NBPF20: variants seen among roughly 807,000 people sequenced by gnomAD.
The protein encoded by NBPF20 is NBPF member 20.
Under a neutral mutation model 68.1 loss-of-function variants are expected in NBPF20, and 90 were observed. That is an observed-to-expected ratio of 1.32 (90% confidence interval 1.11 to 1.58). NBPF20 has a LOEUF of 1.58. Among genes scored for constraint, NBPF20 ranks in the 40% most tolerant of loss-of-function variants. The pLI, the probability that NBPF20 is intolerant of heterozygous loss-of-function variation, is 0.00. For missense variants in NBPF20, 816 were observed against 601.2 expected, an observed-to-expected ratio of 1.36 and a Z score of -3.74; for synonymous variants, 290 against 228.1, an observed-to-expected ratio of 1.27 and a Z score of -2.45.
At chr1:145,409,992 G>A (rs1480095855), upstream of NBPF20, among the ~76,000 whole-genome samples, 1 of 151,954 alleles carries the variant, frequency 6.6e-6, no homozygotes, top group Non-Finnish European at 1.5e-5. Context: ...CGCCCCTCAG[G>A]TTGGTCTGGA....
the NBPF20 span, among the ~76,000 whole-genome samples, chr1:145,424,548 C>T: frequency 2.6e-5 from 4 of 152,130 alleles, no homozygotes; most frequent in Non-Finnish European, 5.9e-5. Flanking sequence ...AAAGGATGAA[C>T]AACACTGTAA....
At chr1:145,398,859 C>T in intron 7 of NBPF20, among the ~76,000 whole-genome samples, 190 bp downstream of exon 12, 2 of 150,220 alleles carry the variant, frequency 1.3e-5, no homozygotes, top group South Asian at 4.2e-4. Context: ...TGGCAAGTTC[C>T]TATCTTGAGA....
At chr1:145,291,167 A>G in exon 138 of NBPF20, 1 of 403,762 alleles carries the variant, frequency 2.5e-6, no homozygotes, top group Non-Finnish European at 4.6e-6. Context: ...TGGATGAGCT[A>G]AACACAAAGA....
chr1:145,402,370 A>T, exon 4 of NBPF20: 1 of 1,605,002 alleles, frequency 6.2e-7, no homozygotes, highest in Non-Finnish European at 8.5e-7. Flanking sequence ...GTGAACCAGG[A>T]CTTTATATTG....
At chr1:145,397,369 G>C (rs1213044711) in intron 7 of NBPF20, among the ~76,000 whole-genome samples, 2 of 152,176 alleles carry the variant, frequency 1.3e-5, no homozygotes, top group Non-Finnish European at 2.9e-5. Flanking sequence ...CGTTGAACTA[G>C]TTTACAGTCC....
At chr1:145,398,101 A>C (rs1662349703) in intron 7 of NBPF20, among the ~76,000 whole-genome samples, 1 of 152,150 alleles carries the variant, frequency 6.6e-6, no homozygotes, top group Non-Finnish European at 1.5e-5. Context: ...AGAGACCTAC[A>C]AAGAGATTTA....
At chr1:145,334,823 G>C (rs1184589713) in intron 83 of NBPF20, among the ~76,000 whole-genome samples, 192 bp from the exon 89 acceptor site, 1 of 138,458 alleles carries the variant, frequency 7.2e-6, no homozygotes, top group East Asian at 2.1e-4. Flanking sequence ...GAGAAAGACA[G>C]GGAGAGGGAG....
At chr1:145,412,058 A>T in the NBPF20 span, among the ~76,000 whole-genome samples, 2 of 134,096 alleles carry the variant, frequency 1.5e-5, no homozygotes, top group South Asian at 5.2e-4. Flanking sequence ...ATTAAAGCTG[A>T]TGGGAGTTTA....
intron 7 of NBPF20, among the ~76,000 whole-genome samples, chr1:145,395,605 A>G (rs1260346840): frequency 1.3e-5 from 2 of 150,026 alleles, no homozygotes; most frequent in Non-Finnish European, 2.9e-5. Flanking sequence ...TTGCAAAAAT[A>G]CTAGCCAACA....
intron 136 of NBPF20, 53 bp from the exon 142 acceptor site, chr1:145,292,542 A>G: frequency 2.9e-6 from 2 of 697,786 alleles, no homozygotes; most frequent in South Asian, 1.6e-5. Context: ...CCCTACACAC[A>G]TAACAATCCA....
intron 9 of NBPF20, chr1:145,393,625 C>G (rs1249588919): frequency 4.7e-6 from 4 of 852,126 alleles, no homozygotes; most frequent in Non-Finnish European, 7.1e-6. Context: ...ATAAAATGTG[C>G]TCAAGTTTCC....
At chr1:145,397,648 C>G (rs1662321997) in intron 7 of NBPF20, among the ~76,000 whole-genome samples, 1 of 152,168 alleles carries the variant, frequency 6.6e-6, no homozygotes, top group African/African-American at 2.4e-5. Context: ...CTGTAAAGAC[C>G]ATTGACGCTA....
intron 9 of NBPF20, 148 bp from the exon 15 acceptor site, chr1:145,393,394 G>C: frequency 1.4e-6 from 1 of 715,896 alleles, no homozygotes; most frequent in Non-Finnish European, 2.6e-6. Flanking sequence ...CCTTTATGTT[G>C]GGATAGACTA....
At chr1:145,393,479 AC>A (rs1558971864) in intron 9 of NBPF20, among the ~76,000 whole-genome samples, 5 of 151,856 alleles carry the variant, frequency 3.3e-5, no homozygotes, top group Admixed American at 3.3e-4. Context: ...ACACACACAC[AC>A]ACACACACAC....
At chr1:145,418,985 A>G in the NBPF20 span, among the ~76,000 whole-genome samples, 84 of 141,838 alleles carry the variant, frequency 5.9e-4, no homozygotes, top group African/African-American at 2.2e-3. Flanking sequence ...TAGAACAAAA[A>G]GGAAAGAAAA....
chr1:145,291,708 A>C, exon 138 of NBPF20: 13 of 1,611,950 alleles, frequency 8.1e-6, no homozygotes, highest in Non-Finnish European at 1.1e-5. Flanking sequence ...GTAGAATAAC[A>C]TCCATCCAGT....
upstream of NBPF20, among the ~76,000 whole-genome samples, chr1:145,408,890 G>A (rs1194329023): frequency 6.6e-6 from 1 of 151,274 alleles, no homozygotes; most frequent in African/African-American, 2.4e-5. Context: ...CTAGTATGGA[G>A]AAATTAAGAT....
upstream of NBPF20, among the ~76,000 whole-genome samples, chr1:145,410,385 G>A (rs1316282079): frequency 1.3e-5 from 2 of 149,762 alleles, no homozygotes; most frequent in Non-Finnish European, 3.0e-5. Context: ...CGGGATCTCG[G>A]CTCACTGCAA....
At chr1:145,425,236 C>G in the NBPF20 span, among the ~76,000 whole-genome samples, 2 of 151,274 alleles carry the variant, frequency 1.3e-5, no homozygotes, top group Non-Finnish European at 3.0e-5. Flanking sequence ...CCCAACCCCC[C>G]ACCCCGCCTC....
Sources: gnomAD v4.1 joint callset for allele counts (sites outside exome capture counted in the v4.1 genomes callset) on GRCh38, gnomAD v4.1.1 for gene constraint, MANE v1.5 for transcripts, NCBI Gene and HGNC (gene_info 2026-07-23, HGNC 2026-07-21) for gene names.